Variants in SYNPO2 observed in about 807,000 individuals in gnomAD.
The protein encoded by SYNPO2 is synaptopodin-2.
In SYNPO2, 56 loss-of-function variants were observed where a neutral mutation model predicts 85.0. The observed-to-expected ratio is 0.66, with a 90% CI of 0.53 to 0.82. The LOEUF (loss-of-function observed/expected upper bound fraction) is 0.82. Among genes scored for constraint, SYNPO2 ranks in the 40% least tolerant of loss-of-function variants. The pLI is 0.00. For synonymous variants in SYNPO2, 602 were observed against 591.1 expected, an observed-to-expected ratio of 1.02 and a Z score of -0.27; for missense variants, 1,575 against 1,534.2, an observed-to-expected ratio of 1.03 and a Z score of -0.44.
At chr4:118,905,245 C>G (rs1038555256) in intron 1 of SYNPO2, among the ~76,000 whole-genome samples, 3 of 152,192 alleles carry the variant, frequency 2.0e-5, no homozygotes, top group Admixed American at 2.0e-4. Flanking sequence ...CCCTGACTCT[C>G]TGTTTCTCTT....
chr4:118,968,521 G>A (rs956894373), intron 1 of SYNPO2, among the ~76,000 whole-genome samples: 2 of 152,172 alleles, frequency 1.3e-5, no homozygotes, highest in Non-Finnish European at 2.9e-5. Flanking sequence ...ACTTCGAAAG[G>A]TCACAGCTAA....
chr4:118,955,214 G>T (rs1238442457), intron 1 of SYNPO2, among the ~76,000 whole-genome samples: 1 of 152,024 alleles, frequency 6.6e-6, no homozygotes, highest in Non-Finnish European at 1.5e-5. Flanking sequence ...TGGCCAGGCT[G>T]GTCTCAAACT....
intron 1 of SYNPO2, among the ~76,000 whole-genome samples, chr4:118,995,636 A>G (rs1284265555): frequency 1.3e-5 from 2 of 152,198 alleles, no homozygotes; most frequent in Non-Finnish European, 2.9e-5. Context: ...TCAGAGTCAA[A>G]TTATAAGCTT....
intron 1 of SYNPO2, among the ~76,000 whole-genome samples, chr4:118,938,119 C>T (rs963057910): frequency 1.3e-5 from 2 of 152,056 alleles, no homozygotes; most frequent in African/African-American, 2.4e-5. Flanking sequence ...CTGGCCAACA[C>T]GGCGAAACCT....
Position 119,058,136 on chromosome 4 carries a change from G to T in SYNPO2, c.*202G>T, listed in dbSNP as rs1249971842. On this transcript the variant is annotated 3_prime_UTR_variant, in exon 5 of 5. Transcript: ENST00000307142. ...TACACACACACACACACACAGGTGA[G>T]TGTGAATACTTCCTTGTTGGCTGAT... 4 of 401,454 alleles carry T rather than the reference G, an allele frequency of 1.0e-5. No individual in the cohort carries two copies. Among genetic ancestry groups the T allele is most frequent in the Non-Finnish European group, 1.8e-5 (4 of 222,998 alleles). 24.9% of individuals were successfully genotyped at this position (401,454 alleles called of 1,614,324 possible). A position where few individuals can be genotyped will look rare whatever the true frequency, so the allele number is the denominator to read the frequency against.
At chr4:119,028,077 T>G (rs555471258) in intron 3 of SYNPO2, among the ~76,000 whole-genome samples, 5 of 152,302 alleles carry the variant, frequency 3.3e-5, no homozygotes, top group African/African-American at 1.2e-4. Context: ...TTTAAATGTC[T>G]CCAAACATAA....
chr4:118,981,210 C>T (rs1308853243), intron 1 of SYNPO2, among the ~76,000 whole-genome samples: 3 of 152,186 alleles, frequency 2.0e-5, no homozygotes, highest in African/African-American at 4.8e-5. Flanking sequence ...GACAGCACAG[C>T]GTGTGTTTTT....
At chr4:118,884,760 A>AT (rs1349700100), upstream of SYNPO2, among the ~76,000 whole-genome samples, 4 of 152,146 alleles carry the variant, frequency 2.6e-5, no homozygotes, top group East Asian at 1.9e-4. Flanking sequence ...ACTCTTATTT[A>AT]TTTTTTTTAC....
At chr4:118,908,000 T>C (rs1732992341) in intron 1 of SYNPO2, among the ~76,000 whole-genome samples, 1 of 152,208 alleles carries the variant, frequency 6.6e-6, no homozygotes, top group Non-Finnish European at 1.5e-5. Flanking sequence ...ATACATTATA[T>C]AGATTGACCG....
intron 1 of SYNPO2, among the ~76,000 whole-genome samples, chr4:118,993,878 G>A (rs1264620474): frequency 6.6e-6 from 1 of 152,134 alleles, no homozygotes; most frequent in Non-Finnish European, 1.5e-5. Context: ...TTTAATCCCA[G>A]GACTTATGAT....
intron 1 of SYNPO2, among the ~76,000 whole-genome samples, chr4:118,929,608 T>G (rs965772621): frequency 6.6e-6 from 1 of 152,128 alleles, no homozygotes; most frequent in African/African-American, 2.4e-5. Context: ...CCAAATGATT[T>G]CTCCAAATCC....
chr4:118,875,504 C>T (rs1731888488), intron 1 of SYNPO2, among the ~76,000 whole-genome samples: 1 of 151,948 alleles, frequency 6.6e-6, no homozygotes, highest in African/African-American at 2.4e-5. Context: ...GGTTTGTGCC[C>T]CAAAACAGGA....
At chr4:118,876,905 C>T (rs1320279546) in intron 1 of SYNPO2, among the ~76,000 whole-genome samples, 1 of 151,800 alleles carries the variant, frequency 6.6e-6, no homozygotes, top group African/African-American at 2.4e-5. Context: ...ATCCTTCAAC[C>T]TCAGCCTCCT....
Position 119,031,178 on chromosome 4 carries a change from C to T in SYNPO2, c.2403C>T (p.Thr801=). The T allele has an allele frequency of 6.2e-7, 1 of 1,614,130 alleles. No individual in the cohort carries two copies. The highest frequency in any genetic ancestry group is 8.5e-7 in the Non-Finnish European group (1 of 1,180,014). Residue 801 remains threonine, a synonymous_variant, in exon 4 of 5, where the codon ACC becomes ACT. Coordinates refer to ENST00000307142, the MANE Select transcript of SYNPO2 (RefSeq NM_133477.3). ...AFPTSNPSKG[T]VVSSIKIAQP... The stretch of plus-strand genomic sequence containing the variant: ...CCACATCCAACCCATCAAAGGGCAC[C>T]GTTGTCTCCTCCATCAAAATAGCCC...
At chr4:119,019,098 A>G (rs1279988242) in intron 1 of SYNPO2, among the ~76,000 whole-genome samples, 1 of 152,144 alleles carries the variant, frequency 6.6e-6, no homozygotes, top group East Asian at 1.9e-4. Context: ...AGCAGAAAAG[A>G]TAACTTTTGG....
chr4:119,037,821 T>C (rs1049014665), intron 4 of SYNPO2: 1 of 217,728 alleles, frequency 4.6e-6, no homozygotes, highest in African/African-American at 2.3e-5. Flanking sequence ...ATGATCATTA[T>C]CCCCATTTTA....
At chr4:118,878,157 A>G (rs890383541) in intron 1 of SYNPO2, among the ~76,000 whole-genome samples, 12 of 152,198 alleles carry the variant, frequency 7.9e-5, no homozygotes, top group Non-Finnish European at 1.8e-4. Context: ...CTAAACTTTG[A>G]GTACATATTG....
intron 1 of SYNPO2, among the ~76,000 whole-genome samples, chr4:118,915,013 A>C (rs1393286953): frequency 2.0e-4 from 1 of 4,922 alleles, no homozygotes; most frequent in Admixed American, 4.1e-3. Context: ...AAGTTCTACA[A>C]AAAAAAAAAC....
chr4:119,046,357 T>C (rs1738867443), intron 4 of SYNPO2, among the ~76,000 whole-genome samples: 3 of 152,238 alleles, frequency 2.0e-5, no homozygotes, highest in Non-Finnish European at 2.9e-5. Context: ...TTGGCCCACT[T>C]AGACCTAGCA....
Sources: gnomAD v4.1 joint callset for allele counts (sites outside exome capture counted in the v4.1 genomes callset) on GRCh38, gnomAD v4.1.1 for gene constraint, MANE v1.5 for transcripts, NCBI Gene and HGNC (gene_info 2026-07-23, HGNC 2026-07-21) for gene names.